FBXL13: variants seen among roughly 807,000 people sequenced by gnomAD.
FBXL13 encodes the protein F-box and leucine rich repeat protein 13.
In FBXL13, 67 loss-of-function variants were observed where a neutral mutation model predicts 83.6. The observed-to-expected ratio is 0.80, with a 90% CI of 0.66 to 0.98. FBXL13 has a LOEUF of 0.98. Ranked by LOEUF, FBXL13 falls within the 50% of genes least tolerant of loss-of-function variation. The pLI is 0.00. For synonymous variants in FBXL13, 272 were observed against 299.5 expected, an observed-to-expected ratio of 0.91 and a Z score of 0.95; for missense variants, 822 against 866.5, an observed-to-expected ratio of 0.95 and a Z score of 0.64.
At chr7:103,048,489 G>A (rs1796502829) in intron 2 of FBXL13, among the ~76,000 whole-genome samples, 2 of 151,264 alleles carry the variant, frequency 1.3e-5, no homozygotes, top group South Asian at 4.2e-4. Context: ...TTGTTCAAGA[G>A]AGAAAGCCAA....
chr7:102,999,610 G>C (rs1375807880), intron 6 of FBXL13, among the ~76,000 whole-genome samples: 2 of 152,012 alleles, frequency 1.3e-5, no homozygotes, highest in Non-Finnish European at 2.9e-5. Context: ...GGGTGTATTT[G>C]GGTTTTCTAT....
rs1213476355 is a variant in FBXL13, at chr7:102,894,730, T to TA, written c.1009-10419dup. ...GGTCACAGAGAAAGACTTTGTCTCTTAAAAAAAAAAAAAAAGAGAGAGAGA... is the reference window on the plus strand; with the variant it reads ...GGTCACAGAGAAAGACTTTGTCTCTTAAAAAAAAAAAAAAAAGAGAGAGAGA... On this transcript the variant is annotated intron_variant, in intron 11 of 19. Coordinates refer to ENST00000313221, the Ensembl canonical transcript of FBXL13. Among the ~76,000 whole-genome samples the TA allele has an allele frequency of 5.3e-3, 716 of 134,608 alleles. 3 individuals are homozygous for TA. The highest frequency in any genetic ancestry group is 0.02 in the East Asian group (95 of 4,842). The allele number at this position is 134,608 out of a possible 152,430, so 88.3% of individuals were successfully genotyped here.
At chr7:102,949,998 C>T (rs1464679493) in intron 8 of FBXL13, among the ~76,000 whole-genome samples, 2 of 152,110 alleles carry the variant, frequency 1.3e-5, no homozygotes, top group Admixed American at 6.5e-5. Context: ...CCCACCTACT[C>T]AGGAGACTGA....
intron 17 of FBXL13, among the ~76,000 whole-genome samples, chr7:102,840,325 A>ATC (rs1189839663): frequency 6.6e-6 from 1 of 152,242 alleles, no homozygotes; most frequent in African/African-American, 2.4e-5. Context: ...TGGCAATCAG[A>ATC]TATTTTTCTT....
intron 6 of FBXL13, among the ~76,000 whole-genome samples, chr7:103,005,062 T>C (rs1790836243): frequency 6.6e-6 from 1 of 152,168 alleles, no homozygotes; most frequent in African/African-American, 2.4e-5. Flanking sequence ...GCAACAAAAA[T>C]TATATTGACA....
chr7:102,839,405 G>C (rs1161171361), intron 17 of FBXL13, among the ~76,000 whole-genome samples: 5 of 152,202 alleles, frequency 3.3e-5, no homozygotes, highest in Non-Finnish European at 7.3e-5. Context: ...TGGGCCCACT[G>C]TTCTTTCTCT....
intron 6 of FBXL13, among the ~76,000 whole-genome samples, chr7:102,984,532 A>C (rs940109722): frequency 8.5e-5 from 13 of 152,290 alleles, no homozygotes; most frequent in African/African-American, 2.6e-4. Flanking sequence ...ATCTGAGTCC[A>C]AAGGCAAGAG....
At chr7:102,975,856 C>A in intron 6 of FBXL13, 1 of 695,312 alleles carries the variant, frequency 1.4e-6, no homozygotes, top group Non-Finnish European at 2.6e-6. Flanking sequence ...AAGGCAAAAA[C>A]AGGCAGGGTT....
chr7:102,951,996 C>A (rs1028275036), intron 8 of FBXL13, among the ~76,000 whole-genome samples: 3 of 151,930 alleles, frequency 2.0e-5, no homozygotes, highest in Non-Finnish European at 4.4e-5. Flanking sequence ...TATATACATA[C>A]AATAAAATAT....
At chr7:102,908,089 A>G (rs1347718596) in intron 11 of FBXL13, among the ~76,000 whole-genome samples, 1 of 152,226 alleles carries the variant, frequency 6.6e-6, no homozygotes, top group East Asian at 1.9e-4. Context: ...ATTATAAATC[A>G]TGCTGCTATA....
intron 1 of FBXL13, among the ~76,000 whole-genome samples, chr7:103,057,292 C>G (rs1585596008): frequency 6.6e-6 from 1 of 152,110 alleles, no homozygotes; most frequent in Non-Finnish European, 1.5e-5. Context: ...AATAAAGTCA[C>G]TGTACCGTGA....
At chr7:103,041,756 T>C (rs1299636639) in intron 2 of FBXL13, among the ~76,000 whole-genome samples, 2 of 152,138 alleles carry the variant, frequency 1.3e-5, no homozygotes, top group African/African-American at 2.4e-5. Context: ...GAAAAGACCT[T>C]TGACAAAATT....
intron 2 of FBXL13, among the ~76,000 whole-genome samples, chr7:103,039,538 G>T (rs1411666042): frequency 6.6e-6 from 1 of 152,082 alleles, no homozygotes; most frequent in Non-Finnish European, 1.5e-5. Context: ...ATTCACCAAG[G>T]TTGAAATGAG....
chr7:103,072,182 C>CAA (rs879371785), intron 1 of FBXL13, among the ~76,000 whole-genome samples: 8 of 114,370 alleles, frequency 7.0e-5, no homozygotes, highest in African/African-American at 2.2e-4. Flanking sequence ...GACTCTGTCT[C>CAA]AAAAAAAAAA....
chr7:102,868,946 G>A (rs1808144699), intron 16 of FBXL13, among the ~76,000 whole-genome samples: 1 of 152,230 alleles, frequency 6.6e-6, no homozygotes. Flanking sequence ...GGGATTGCAG[G>A]CATGAACCTC....
chr7:103,025,353 C>G, intron 5 of FBXL13, 123 bp from the exon 7 acceptor site: 1 of 557,350 alleles, frequency 1.8e-6, no homozygotes, highest in East Asian at 3.2e-5. Flanking sequence ...TGATCGTCAT[C>G]ATTACTACAT....
At chr7:102,852,282 A>G (rs957694903) in intron 17 of FBXL13, among the ~76,000 whole-genome samples, 7 of 152,120 alleles carry the variant, frequency 4.6e-5, no homozygotes, top group African/African-American at 1.7e-4. Flanking sequence ...GTGTTGTTAC[A>G]TTTCCAATCC....
At chr7:102,927,558 G>C (rs1818362100) in intron 9 of FBXL13, among the ~76,000 whole-genome samples, 1 of 152,184 alleles carries the variant, frequency 6.6e-6, no homozygotes, top group African/African-American at 2.4e-5. Flanking sequence ...GTCACACTCA[G>C]ATAGGAATTG....
chr7:102,828,575 C>T (rs985050666), intron 18 of FBXL13, among the ~76,000 whole-genome samples: 5 of 152,174 alleles, frequency 3.3e-5, no homozygotes, highest in Admixed American at 3.3e-4. Context: ...AGTTACCTCA[C>T]TAAATCCTAT....
Sources: gnomAD v4.1 joint callset for allele counts (sites outside exome capture counted in the v4.1 genomes callset) on GRCh38, gnomAD v4.1.1 for gene constraint, MANE v1.5 for transcripts, NCBI Gene and HGNC (gene_info 2026-07-23, HGNC 2026-07-21) for gene names.